KLK6: variants seen among roughly 807,000 people sequenced by gnomAD.
KLK6 encodes the protein kallikrein related peptidase 6.
In KLK6, 16 loss-of-function variants were observed where a neutral mutation model predicts 21.7. That is an observed-to-expected ratio of 0.74 (90% CI 0.50 to 1.12). The LOEUF (loss-of-function observed/expected upper bound fraction) is 1.12. Among genes scored for constraint, KLK6 ranks in the 50% most tolerant of loss-of-function variants. KLK6 has a pLI of 0.00. For synonymous variants in KLK6, 116 were observed against 120.1 expected, an observed-to-expected ratio of 0.97 and a Z score of 0.22; for missense variants, 276 against 304.6, an observed-to-expected ratio of 0.91 and a Z score of 0.70.
Position 50,968,536 on chromosome 19 carries a change from C to G in KLK6, c.-9+5G>C, listed in dbSNP as rs1600100975. 6.4e-6 allele frequency: 1 copy of G among 157,166 alleles called. No homozygotes were observed. The highest frequency in any genetic ancestry group is 1.7e-4 in the East Asian group (1 of 5,946). 9.7% of individuals were successfully genotyped at this position (157,166 alleles called of 1,614,324 possible). A position where few individuals can be genotyped will look rare whatever the true frequency, so the allele number is the denominator to read the frequency against. The stretch of plus-strand genomic sequence containing the variant: ...CGGCAGGTTCTGTGATGTCTGTGAT[C>G]TCACCTGCTGCAGGCCTCCGGGCTC... On this transcript the variant is annotated splice_donor_5th_base_variant and intron_variant, in intron 2 of 6. Transcript: ENST00000310157.
intron 4 of KLK6, among the ~76,000 whole-genome samples, chr19:50,965,231 G>T (rs2090906071): frequency 6.6e-6 from 1 of 151,468 alleles, no homozygotes; most frequent in Non-Finnish European, 1.5e-5. Flanking sequence ...GCCTCCCAAA[G>T]TGCTGGGATT....
At chr19:50,968,141 G>A in intron 2 of KLK6, 29 bp from the exon 3 acceptor site, 1 of 1,606,020 alleles carries the variant, frequency 6.2e-7, no homozygotes, top group Non-Finnish European at 8.5e-7. Context: ...TGGTCCATTA[G>A]TCACTGCCTC....
At chr19:50,969,331 C>T (rs972347929) in intron 1 of KLK6, among the ~76,000 whole-genome samples, 159 bp downstream of exon 1, 4 of 152,008 alleles carry the variant, frequency 2.6e-5, no homozygotes, top group Admixed American at 6.5e-5. Context: ...AGACAAATTC[C>T]GGCCTCTGGG....
chr19:50,965,530 G>A (rs899626356), intron 4 of KLK6, among the ~76,000 whole-genome samples: 4 of 151,932 alleles, frequency 2.6e-5, no homozygotes, highest in Admixed American at 6.6e-5. Context: ...CACCCACCTC[G>A]GCCTCCCAAA....
chr19:50,966,803 AAAAC>A (rs891762445), intron 4 of KLK6, among the ~76,000 whole-genome samples: 8 of 152,178 alleles, frequency 5.3e-5, no homozygotes, highest in Admixed American at 2.6e-4. Context: ...TGTGTCTCAA[AAAAC>A]AAACAAACAA....
At position 50,961,824 on chromosome 19, in the gene KLK6, A is replaced by C; in HGVS notation, c.502T>G (p.Cys168Gly). The C allele has an allele frequency of 1.2e-6, 2 of 1,613,502 alleles. No individual in the cohort carries two copies. The highest frequency in any genetic ancestry group is 1.7e-6 in the Non-Finnish European group (2 of 1,179,802). Residue 168 changes from cysteine (C) to glycine (G), a missense_variant, in exon 6 of 7, where the codon TGT becomes GGT. Physicochemically the swap from Cys to Gly is radical, Grantham distance 159 (BLOSUM62 -3). Transcript: ENST00000310157. The part of the protein sequence containing the change: ...AYIHLVSREE[C>G]EHAYPGQITQ... The stretch of plus-strand genomic sequence containing the variant: ...ATCTGGCCAGGGTAGGCATGCTCAC[A>C]CTCCTCACGGGACACCAGGTGGATG...
At chr19:50,964,402 C>T (rs188735218) in intron 4 of KLK6, among the ~76,000 whole-genome samples, 51 of 152,310 alleles carry the variant, frequency 3.3e-4, no homozygotes, top group Non-Finnish European at 5.9e-4. Flanking sequence ...AATATTTACT[C>T]ATTGTGTTAT....
Position 50,963,667 on chromosome 19 carries a change from G to A in KLK6, c.198-118C>T, listed in dbSNP as rs571539113. 474 of 1,170,154 alleles carry A rather than the reference G, an allele frequency of 4.1e-4. 1 individual carries two copies. The African/African-American group carries it at 6.6e-3, about 16-fold the overall frequency. The allele number at this position is 1,170,154 out of a possible 1,614,324, so 72.5% of individuals were successfully genotyped here. On this transcript the variant is annotated intron_variant, in intron 4 of 6. Transcript: ENST00000310157. Reference sequence around the variant, plus strand: ...TCCTCCCACAGTCTTCCCCAGCTGGGTAAATGGCAATTCCATCCTTTCAGA... The same window carrying A: ...TCCTCCCACAGTCTTCCCCAGCTGGATAAATGGCAATTCCATCCTTTCAGA...
rs200733164 is a variant in KLK6, at chr19:50,967,290, C to T, written c.76G>A (p.Gly26Arg). Residue 26 changes from glycine (G) to arginine (R), a missense_variant, in exon 4 of 7, where the codon GGA (glycine) becomes AGA (arginine). Gly to Arg is a moderately radical substitution (Grantham distance 125, BLOSUM62 -2). Transcript: ENST00000310157. ...GGGTGAGATGTCTTGTCGCAGGGTC[C>T]GCCATGCACCAACTTATTCTGCTCC... ...AEEQNKLVHG[G>R]PCDKTSHPYQ... is the part of the protein sequence containing the mutation. 1.5e-5 allele frequency: 24 copies of T among 1,612,998 alleles called. No individual in the cohort carries two copies. The Admixed American group carries it at 1.5e-4, about 10-fold the overall frequency.
chr19:50,966,886 C>T (rs1005295005), intron 4 of KLK6, among the ~76,000 whole-genome samples: 3 of 152,180 alleles, frequency 2.0e-5, no homozygotes, highest in African/African-American at 4.8e-5. Flanking sequence ...TCACGCCCTG[C>T]AGGTCCCCAA....
chr19:50,968,155 C>A, intron 2 of KLK6, 43 bp from the exon 3 acceptor site: 1 of 1,565,962 alleles, frequency 6.4e-7, no homozygotes, highest in South Asian at 1.1e-5. Flanking sequence ...CTGCCTCGAC[C>A]CTCCCCCCAT....
chr19:50,967,139 A>T, intron 4 of KLK6, 30 bp downstream of exon 4: 1 of 1,613,504 alleles, frequency 6.2e-7, no homozygotes, highest in East Asian at 2.2e-5. Flanking sequence ...GTTCAGTCGC[A>T]TCTGCTGTTC....
chr19:50,963,513 C>A lies in KLK6; in HGVS notation c.234G>T (p.Arg78=). ...LQVFLGKHNL[R]QRESSQEQSS... Reference sequence around the variant, plus strand: ...TCTGCTCCTGGGAACTCTCCCTTTGCCGAAGGTTATGCTTCCCCAGGAAGA... The same window carrying A: ...TCTGCTCCTGGGAACTCTCCCTTTGACGAAGGTTATGCTTCCCCAGGAAGA... The change falls in exon 5 of 7, where the codon CGG becomes CGT. Residue 78 remains arginine, a synonymous_variant. Coordinates refer to ENST00000310157, the MANE Select transcript of KLK6 (RefSeq NM_002774.4). 6.2e-7 allele frequency: 1 copy of A among 1,614,116 alleles called. No individual in the cohort carries two copies. Among genetic ancestry groups the A allele is most frequent in the African/African-American group, 1.3e-5 (1 of 75,000 alleles).
chr19:50,959,068 T>C lies in KLK6; in HGVS notation c.*96A>G. 6.7e-6 allele frequency: 9 copies of C among 1,342,558 alleles called. No homozygotes were observed. Among genetic ancestry groups the C allele is most frequent in the Non-Finnish European group, 8.5e-6 (8 of 944,214 alleles). The allele number at this position is 1,342,558 out of a possible 1,614,324, so 83.2% of individuals were successfully genotyped here. A position where few individuals can be genotyped will look rare whatever the true frequency, so the allele number is the denominator to read the frequency against. ...GTTTATTAAGCATCAGGGTCAGAGCTGGGCAGGAGAGGAGGGGAGGCAAGG... is the reference window on the plus strand; with the variant it reads ...GTTTATTAAGCATCAGGGTCAGAGCCGGGCAGGAGAGGAGGGGAGGCAAGG... On this transcript the variant is annotated 3_prime_UTR_variant, in exon 7 of 7. Transcript: ENST00000310157.
At chr19:50,964,056 C>T (rs1415184912) in intron 4 of KLK6, among the ~76,000 whole-genome samples, 1 of 152,168 alleles carries the variant, frequency 6.6e-6, no homozygotes, top group African/African-American at 2.4e-5. Flanking sequence ...AAGCACTGCC[C>T]CATCATCTCA....
At chr19:50,967,078 G>T (rs1299754088) in intron 4 of KLK6, 91 bp downstream of exon 4, 2 of 1,423,806 alleles carry the variant, frequency 1.4e-6, no homozygotes, top group Admixed American at 1.7e-5. Context: ...TGCTGGGATG[G>T]GGGGGATGCC....
In KLK6 at chr19:50,958,993, G is replaced by A. The variant is rs911214289; in HGVS notation, c.*171C>T. On this transcript the variant is annotated 3_prime_UTR_variant, in exon 7 of 7. Transcript: ENST00000310157. ...CATCACGTCCTCCCCAGTGATGCAA[G>A]GATGGAGCTGGGGTAAAACCAGGGA... 7.1e-5 allele frequency: 49 copies of A among 693,502 alleles called. No individual in the cohort carries two copies. The African/African-American group carries it at 7.5e-4, about 11-fold the overall frequency. 43.0% of individuals were successfully genotyped at this position (693,502 alleles called of 1,614,324 possible). A position where few individuals can be genotyped will look rare whatever the true frequency, so the allele number is the denominator to read the frequency against.
intron 3 of KLK6, 39 bp from the exon 4 acceptor site, chr19:50,967,364 A>G: frequency 6.4e-7 from 1 of 1,556,116 alleles, no homozygotes; most frequent in Non-Finnish European, 8.7e-7. Context: ...GGAGTTCTGG[A>G]GAAACCAAGC....
chr19:50,959,401 GT>G (rs2090770032), intron 6 of KLK6, 85 bp from the exon 7 acceptor site: 2 of 1,194,250 alleles, frequency 1.7e-6, no homozygotes, highest in African/African-American at 1.6e-5. Flanking sequence ...GTGTGTGTGT[GT>G]GTGTGTGACA....
Sources: gnomAD v4.1 joint callset for allele counts (sites outside exome capture counted in the v4.1 genomes callset) on GRCh38, gnomAD v4.1.1 for gene constraint, MANE v1.5 for transcripts, NCBI Gene and HGNC (gene_info 2026-07-23, HGNC 2026-07-21) for gene names.